RAB25: variants seen among roughly 807,000 people sequenced by gnomAD.
The protein encoded by RAB25 is RAB25, member RAS oncogene family, also known as ras-related protein Rab-25.
In RAB25, 23 loss-of-function variants were observed where a neutral mutation model predicts 25.2. That is an observed-to-expected ratio of 0.91 (90% CI 0.66 to 1.29). The LOEUF (loss-of-function observed/expected upper bound fraction) is 1.29. Ranked by LOEUF, RAB25 falls within the 50% of genes most tolerant of loss-of-function variation. The probability of loss-of-function intolerance (pLI) is 0.00; values close to 1 mark genes in which losing one functional copy is unlikely to be tolerated. For missense variants in RAB25, 244 were observed against 277.3 expected (o/e 0.88, Z 0.85); for synonymous variants, 102 against 111.5 (o/e 0.91, Z 0.54).
Position 156,061,442 on chromosome 1 carries a change from G to C in RAB25, c.42G>C (p.Lys14Asn). ...GTEEDYNFVFKVVLIGESGVG... is the reference protein window; with the variant it reads ...GTEEDYNFVFNVVLIGESGVG... ...AGGAAGATTATAACTTTGTCTTCAA[G>C]GGTGAGTTGGGTTCCCTGAAGCAAG... Residue 14 changes from lysine (K) to asparagine (N), a missense_variant and splice_region_variant, in exon 1 of 5, where the codon AAG (lysine) becomes AAC (asparagine). By Grantham distance (94) the Lys-to-Asn change is moderately conservative. Transcript: ENST00000361084. The C allele has an allele frequency of 6.2e-7, 1 of 1,613,938 alleles. No homozygotes were observed. Among genetic ancestry groups the C allele is most frequent in the Non-Finnish European group, 8.5e-7 (1 of 1,179,854 alleles).
At chr1:156,064,485 C>T (rs1165055045) in intron 1 of RAB25, among the ~76,000 whole-genome samples, 2 of 150,728 alleles carry the variant, frequency 1.3e-5, no homozygotes, top group African/African-American at 4.9e-5. Flanking sequence ...GTAACACAAA[C>T]TCGGCTCACT....
intron 2 of RAB25, 141 bp downstream of exon 2, chr1:156,066,247 T>A: frequency 1.4e-6 from 1 of 710,736 alleles, no homozygotes; most frequent in Non-Finnish European, 2.2e-6. Flanking sequence ...TCACAGAAGA[T>A]AAAAGGTACT....
rs773604108 is a variant in RAB25, at chr1:156,068,430, G to T, written c.400G>T (p.Glu134Ter). 5.6e-6 allele frequency: 9 copies of T among 1,613,830 alleles called. No individual in the cohort carries two copies. The South Asian group carries it at 9.9e-5, about 18-fold the overall frequency. ...GNKSDLSQAR[E>*]VPTEEARMFA... Reference sequence around the variant, plus strand: ...CAAAAGTGACCTCAGCCAGGCCCGGGAAGTGCCCACTGAGGAGGCCCGAAT... The same window carrying T: ...CAAAAGTGACCTCAGCCAGGCCCGGTAAGTGCCCACTGAGGAGGCCCGAAT... The change falls in exon 3 of 5, where the codon GAA (glutamate) becomes TAA (stop). Residue 134 changes from glutamate to a stop codon, truncating the protein, a stop_gained. Coordinates refer to ENST00000361084, the MANE Select transcript of RAB25 (RefSeq NM_020387.4). LOFTEE classifies it high-confidence loss of function.
chr1:156,065,959 G>A lies in RAB25; in HGVS notation c.92G>A (p.Arg31Gln), dbSNP rs566252037. The change falls in exon 2 of 5, where the codon CGA becomes CAA. Residue 31 changes from arginine (R) to glutamine (Q), a missense_variant. Arg to Gln is a conservative substitution (Grantham distance 43). Transcript: ENST00000361084. Reference sequence around the variant, plus strand: ...GTGGGGAAGACCAATCTACTCTCCCGATTCACGCGCAATGAGTTCAGCCAC... The same window carrying A: ...GTGGGGAAGACCAATCTACTCTCCCAATTCACGCGCAATGAGTTCAGCCAC... ...SGVGKTNLLS[R>Q]FTRNEFSHDS... 3.7e-6 allele frequency: 6 copies of A among 1,613,422 alleles called. No homozygotes were observed. The highest frequency in any genetic ancestry group is 2.2e-5 in the East Asian group (1 of 44,858).
chr1:156,066,282 G>T, intron 2 of RAB25, 176 bp downstream of exon 2: 1 of 564,320 alleles, frequency 1.8e-6, no homozygotes. Context: ...CACAAGCCAG[G>T]ATATAGTAAC....
At chr1:156,068,987 C>A (rs1421954306) in intron 3 of RAB25, among the ~76,000 whole-genome samples, 1 of 151,866 alleles carries the variant, frequency 6.6e-6, no homozygotes, top group East Asian at 1.9e-4. Context: ...CTGTGCCCGG[C>A]CCGTAGTTAA....
chr1:156,068,560 C>A, intron 3 of RAB25, 97 bp downstream of exon 3: 1 of 1,233,226 alleles, frequency 8.1e-7, no homozygotes, highest in Non-Finnish European at 1.1e-6. Flanking sequence ...GAGCCCCTAG[C>A]CTGGCCTTCC....
At chr1:156,069,781 A>G (rs1433828398) in intron 4 of RAB25, 30 bp downstream of exon 4, 3 of 1,560,404 alleles carry the variant, frequency 1.9e-6, no homozygotes, top group African/African-American at 1.4e-5. Context: ...CTGCACCCCT[A>G]TTCCATCCCC....
Position 156,068,177 on chromosome 1 carries a change from T to A in RAB25, c.240-93T>A, listed in dbSNP as rs1032093411. ...CTGTATTTCCTGATCTCTAGTACTC[T>A]GATCCCGGGTGTTCCAGCTTGACGG... On this transcript the variant is annotated intron_variant, in intron 2 of 4. Coordinates refer to ENST00000361084, the MANE Select transcript of RAB25 (RefSeq NM_020387.4). 4.0e-5 allele frequency: 46 copies of A among 1,154,358 alleles called. No individual in the cohort carries two copies. In the South Asian group the frequency reaches 5.8e-4, roughly 15 times the overall value. 71.5% of individuals were successfully genotyped at this position (1,154,358 alleles called of 1,614,324 possible).
At position 156,068,255 on chromosome 1, in the gene RAB25, C is replaced by T; in HGVS notation, c.240-15C>T. 6.2e-7 allele frequency: 1 copy of T among 1,600,808 alleles called. No homozygotes were observed. The highest frequency in any genetic ancestry group is 8.6e-7 in the Non-Finnish European group (1 of 1,168,326). ...TCTGATCGTATCTCTGTCCATCCTT[C>T]TCATTCCCACCCAGGTACTATCGTG... On this transcript the variant is annotated splice_polypyrimidine_tract_variant and intron_variant, in intron 2 of 4. Coordinates refer to ENST00000361084, the MANE Select transcript of RAB25 (RefSeq NM_020387.4).
chr1:156,070,445 C>T lies in RAB25; in HGVS notation c.*158C>T. 1.1e-6 allele frequency: 1 copy of T among 926,146 alleles called. No homozygotes were observed. Among genetic ancestry groups the T allele is most frequent in the South Asian group, 1.8e-5 (1 of 56,968 alleles). 57.4% of individuals were successfully genotyped at this position (926,146 alleles called of 1,614,324 possible). On this transcript the variant is annotated 3_prime_UTR_variant, in exon 5 of 5. Transcript: ENST00000361084. ...GGTCTTCATGCCCTATCACAAATAC[C>T]TCTTTTATCTGTCCACCCCTCACAG...
intron 1 of RAB25, among the ~76,000 whole-genome samples, chr1:156,061,945 C>T (rs957311946): frequency 3.3e-5 from 5 of 152,178 alleles, no homozygotes; most frequent in South Asian, 2.1e-4. Context: ...CCACCACGCC[C>T]GGCTTATTTT....
intron 1 of RAB25, among the ~76,000 whole-genome samples, chr1:156,064,243 T>A (rs1171703816): frequency 3.3e-5 from 5 of 151,586 alleles, no homozygotes; most frequent in Non-Finnish European, 5.9e-5. Context: ...AAATATATAT[T>A]TTTTATTTTT....
rs567486849 is a variant in RAB25 at position 156,069,684 on chromosome 1, G to C, written c.447G>C (p.Leu149=). Residue 149 remains leucine, a synonymous_variant, in exon 4 of 5, where the codon CTG becomes CTC. Transcript: ENST00000361084. ...EARMFAENNG[L]LFLETSALDS... ...CCTTCCTGGCAGAAAACAATGGACTGCTCTTCCTGGAGACCTCAGCCCTGG... is the reference window on the plus strand; with the variant it reads ...CCTTCCTGGCAGAAAACAATGGACTCCTCTTCCTGGAGACCTCAGCCCTGG... The C allele has an allele frequency of 8.7e-6, 14 of 1,611,798 alleles. No homozygotes were observed. The African/African-American group carries it at 1.9e-4, about 22-fold the overall frequency.
chr1:156,066,011 G>A lies in RAB25; in HGVS notation c.144G>A (p.Glu48=), dbSNP rs958826954. The A allele has an allele frequency of 6.2e-7, 1 of 1,614,084 alleles. No homozygotes were observed. The highest frequency in any genetic ancestry group is 1.1e-5 in the South Asian group (1 of 91,082). Residue 48 remains glutamate (E), a synonymous_variant, in exon 2 of 5, where the codon GAG becomes GAA. Coordinates refer to ENST00000361084, the MANE Select transcript of RAB25 (RefSeq NM_020387.4). ...SHDSRTTIGV[E]FSTRTVMLGT... ...ACAGCCGCACCACCATCGGGGTTGA[G>A]TTCTCCACCCGCACTGTGATGTTGG...
intron 3 of RAB25, among the ~76,000 whole-genome samples, chr1:156,068,684 A>ATTTTTTTTT (rs35522492): frequency 1.0e-5 from 1 of 98,344 alleles, no homozygotes. Context: ...GTCTTTATTG[A>ATTTTTTTTT]TTTTTTTTTT....
intron 2 of RAB25, 68 bp from the exon 3 acceptor site, chr1:156,068,202 G>C: frequency 7.3e-7 from 1 of 1,377,818 alleles, no homozygotes; most frequent in South Asian, 1.2e-5. Context: ...CAGCTTGACG[G>C]CTCTGCTCTG....
rs1372768400 is a variant in RAB25 at position 156,067,999 on chromosome 1, C to T, written c.240-271C>T. 3.3e-5 allele frequency among the ~76,000 whole-genome samples: 5 copies of T among 152,264 alleles called. No homozygotes were observed. In the East Asian group the frequency reaches 7.7e-4, roughly 24 times the overall value. ...AACTCCTCACCTCAGGTGATCCACC[C>T]GCCTTGGCCTCCCAAAGTGCTGGGA... On this transcript the variant is annotated intron_variant, in intron 2 of 4. Coordinates refer to ENST00000361084, the MANE Select transcript of RAB25 (RefSeq NM_020387.4).
intron 1 of RAB25, among the ~76,000 whole-genome samples, chr1:156,062,631 A>G (rs1264502431): frequency 6.6e-6 from 1 of 152,156 alleles, no homozygotes; most frequent in Non-Finnish European, 1.5e-5. Context: ...AGCACTTACT[A>G]TGTACCTGCC....
Sources: gnomAD v4.1 joint callset for allele counts (sites outside exome capture counted in the v4.1 genomes callset) on GRCh38, gnomAD v4.1.1 for gene constraint, MANE v1.5 for transcripts, NCBI Gene and HGNC (gene_info 2026-07-23, HGNC 2026-07-21) for gene names.